The following CUL2 variants were observed in gnomAD, a reference collection of about 807,000 sequenced individuals.
CUL2 encodes cullin 2.
Under a neutral mutation model 110.2 loss-of-function variants are expected in CUL2, and 22 were observed. The ratio of observed to expected loss-of-function variants is 0.20; its 90% CI spans 0.14 to 0.28. The LOEUF is 0.28. Ranked by LOEUF, CUL2 falls within the 10% of genes least tolerant of loss-of-function variation. The probability of loss-of-function intolerance (pLI) is 1.00; values close to 1 mark genes in which losing one functional copy is unlikely to be tolerated. For synonymous variants in CUL2, 279 were observed against 293.2 expected, an observed-to-expected ratio of 0.95 and a Z score of 0.49; for missense variants, 631 against 905.5, an observed-to-expected ratio of 0.70 and a Z score of 3.89.
intron 10 of CUL2, among the ~76,000 whole-genome samples, chr10:35,033,984 G>A (rs1372614310): frequency 5.3e-5 from 8 of 152,208 alleles, no homozygotes; most frequent in Non-Finnish European, 1.2e-4. Flanking sequence ...AGAGAAAGGA[G>A]AGTTAAAAAG....
At chr10:35,053,804 T>A (rs531338614) in intron 5 of CUL2, among the ~76,000 whole-genome samples, 2 of 152,352 alleles carry the variant, frequency 1.3e-5, no homozygotes, top group East Asian at 1.9e-4. Flanking sequence ...ATTAATTTCC[T>A]ATTTGGCATC....
At chr10:35,032,324 T>C in intron 12 of CUL2, 111 bp downstream of exon 12, 1 of 886,670 alleles carries the variant, frequency 1.1e-6, no homozygotes, top group Non-Finnish European at 1.8e-6. Flanking sequence ...ATAATTTTCC[T>C]TCTATTTTTC....
Position 35,009,135 on chromosome 10 carries a change from G to A in CUL2, c.*1176C>T, listed in dbSNP as rs1382027965. ...GGTGGTGGTGGTGATGGTGTGGATA[G>A]ACAATAAATATGATAATAGATCGCA... On this transcript the variant is annotated 3_prime_UTR_variant, in exon 21 of 21. Transcript: ENST00000374749. 1 of 147,734 alleles carries A rather than the reference G, an allele frequency of 6.8e-6. No individual in the cohort carries two copies. The highest frequency in any genetic ancestry group is 2.0e-4 in the East Asian group (1 of 5,062). 9.2% of individuals were successfully genotyped at this position (147,734 alleles called of 1,614,324 possible).
At chr10:35,044,527 CAA>C in intron 8 of CUL2, 37 bp downstream of exon 8, 1 of 1,331,750 alleles carries the variant, frequency 7.5e-7, no homozygotes, top group Non-Finnish European at 1.0e-6. Flanking sequence ...AGGCCAGATA[CAA>C]AATAGATAAA....
chr10:35,103,567 C>T (rs2087416289), intron 1 of CUL2, among the ~76,000 whole-genome samples: 1 of 151,962 alleles, frequency 6.6e-6, no homozygotes, highest in African/African-American at 2.4e-5. Context: ...TCGTGATCCG[C>T]CCGTCTCGGC....
intron 16 of CUL2, among the ~76,000 whole-genome samples, chr10:35,026,296 T>C (rs953694729): frequency 6.6e-6 from 1 of 152,210 alleles, no homozygotes; most frequent in Admixed American, 6.5e-5. Flanking sequence ...AATTGAAATA[T>C]GTCATAAGAG....
chr10:35,039,160 A>T (rs11010077), intron 8 of CUL2, 78 bp from the exon 9 acceptor site: 1 of 869,424 alleles, frequency 1.2e-6, no homozygotes. Context: ...CAAGTAACTC[A>T]GCCAAATTTT....
intron 1 of CUL2, among the ~76,000 whole-genome samples, chr10:35,124,156 T>C (rs977906074): frequency 2.0e-5 from 3 of 152,188 alleles, no homozygotes; most frequent in African/African-American, 7.2e-5. Flanking sequence ...TACTCTAACC[T>C]GGGTGACAGA....
intron 2 of CUL2, among the ~76,000 whole-genome samples, chr10:35,100,532 C>T (rs1480744785): frequency 2.6e-5 from 4 of 152,010 alleles, no homozygotes; most frequent in Non-Finnish European, 2.9e-5. Context: ...GAGGCCGAGG[C>T]AGGCGGATCA....
chr10:35,026,001 C>T (rs2085328187), intron 16 of CUL2, among the ~76,000 whole-genome samples: 2 of 152,132 alleles, frequency 1.3e-5, no homozygotes, highest in Non-Finnish European at 2.9e-5. Context: ...AAAGGAAGTT[C>T]ACATAAAGCA....
chr10:35,094,550 C>T (rs1302100607), upstream of CUL2, among the ~76,000 whole-genome samples: 2 of 152,058 alleles, frequency 1.3e-5, no homozygotes, highest in Non-Finnish European at 2.9e-5. Context: ...AATTTTTAAG[C>T]GTGTAAAGAA....
intron 9 of CUL2, among the ~76,000 whole-genome samples, chr10:35,037,814 G>T (rs749484746): frequency 9.2e-5 from 14 of 152,076 alleles, no homozygotes; most frequent in Non-Finnish European, 1.8e-4. Context: ...CTGCATTATA[G>T]CCTGGGCCAC....
intron 1 of CUL2, among the ~76,000 whole-genome samples, chr10:35,108,469 GA>G (rs1216280261): frequency 6.8e-6 from 1 of 147,796 alleles, no homozygotes; most frequent in East Asian, 2.0e-4. Flanking sequence ...AAAAAAAAAG[GA>G]AAAAAAGAAA....
chr10:35,103,778 G>C (rs575114621), intron 1 of CUL2, among the ~76,000 whole-genome samples: 1 of 152,040 alleles, frequency 6.6e-6, no homozygotes, highest in South Asian at 2.1e-4. Context: ...TGTTTTCACC[G>C]ATGCAGGATT....
chr10:35,065,005 T>A (rs1032587204), intron 2 of CUL2, among the ~76,000 whole-genome samples: 1 of 152,216 alleles, frequency 6.6e-6, no homozygotes, highest in Admixed American at 6.5e-5. Flanking sequence ...AATATACATA[T>A]TTTTTTAATG....
chr10:35,093,672 A>C (rs1214447255), upstream of CUL2, among the ~76,000 whole-genome samples: 1 of 150,994 alleles, frequency 6.6e-6, no homozygotes, highest in East Asian at 1.9e-4. Flanking sequence ...AAAAAAAAAA[A>C]AAAAAAAAAG....
chr10:35,054,355 T>C (rs2086191613), intron 5 of CUL2, 79 bp downstream of exon 5: 1 of 773,032 alleles, frequency 1.3e-6, no homozygotes. Context: ...TCAGTGTCCT[T>C]AAAAAATGAT....
intron 11 of CUL2, 48 bp from the exon 12 acceptor site, chr10:35,032,542 G>C: frequency 7.0e-7 from 1 of 1,435,166 alleles, no homozygotes; most frequent in Non-Finnish European, 9.5e-7. Flanking sequence ...TAGGGAAAAA[G>C]TACAGCTAGT....
intron 1 of CUL2, among the ~76,000 whole-genome samples, chr10:35,079,439 A>G (rs1013980708): frequency 6.6e-6 from 1 of 152,180 alleles, no homozygotes; most frequent in Non-Finnish European, 1.5e-5. Flanking sequence ...TCCCTTGCTG[A>G]GTCTTCAAAT....
Sources: allele counts gnomAD v4.1 joint callset (sites outside exome capture counted in the v4.1 genomes callset), GRCh38; gene constraint gnomAD v4.1.1; transcripts MANE v1.5; gene names NCBI Gene and HGNC (gene_info 2026-07-23, HGNC 2026-07-21).